The following SPECC1 variants were observed in gnomAD, a reference collection of about 807,000 sequenced individuals.
SPECC1 encodes cytospin-B.
A neutral mutation model predicts 104.1 loss-of-function variants in SPECC1; 62 were observed. The observed-to-expected ratio is 0.60, with a 90% CI of 0.49 to 0.74. The LOEUF is 0.74. Among genes scored for constraint, SPECC1 ranks in the 30% least tolerant of loss-of-function variants. SPECC1 has a pLI of 0.00. For missense variants in SPECC1, 1,306 were observed against 1,310.5 expected, an observed-to-expected ratio of 1.00 and a Z score of 0.05; for synonymous variants, 513 against 501.6, an observed-to-expected ratio of 1.02 and a Z score of -0.30.
At chr17:20,079,637 T>G (rs1161196766) in intron 1 of SPECC1, among the ~76,000 whole-genome samples, 1 of 152,096 alleles carries the variant, frequency 6.6e-6, no homozygotes, top group African/African-American at 2.4e-5. Context: ...AAGCCCTTCA[T>G]CCATTATCCA....
intron 12 of SPECC1, among the ~76,000 whole-genome samples, chr17:20,286,278 A>G (rs887306473): frequency 1.3e-5 from 2 of 152,234 alleles, no homozygotes; most frequent in Non-Finnish European, 2.9e-5. Flanking sequence ...AGGGATGAAT[A>G]TCAAGGAAAA....
chr17:20,188,803 T>G (rs2035459298), intron 3 of SPECC1, among the ~76,000 whole-genome samples: 1 of 152,212 alleles, frequency 6.6e-6, no homozygotes, highest in Non-Finnish European at 1.5e-5. Flanking sequence ...TACGGACGAT[T>G]CCTTAAATTT....
intron 1 of SPECC1, among the ~76,000 whole-genome samples, chr17:20,024,973 T>C (rs2044543348): frequency 1.3e-5 from 2 of 152,198 alleles, no homozygotes; most frequent in South Asian, 4.1e-4. Context: ...ACAATGTAGA[T>C]AAAAACCCTA....
At chr17:20,077,580 C>T (rs1028356896) in intron 1 of SPECC1, among the ~76,000 whole-genome samples, 2 of 152,032 alleles carry the variant, frequency 1.3e-5, no homozygotes, top group East Asian at 3.8e-4. Flanking sequence ...GATTCTCCTG[C>T]CTCAGCCTCT....
intron 1 of SPECC1, among the ~76,000 whole-genome samples, chr17:20,025,898 C>G (rs1246186201): frequency 6.6e-6 from 1 of 152,060 alleles, no homozygotes; most frequent in Non-Finnish European, 1.5e-5. Context: ...TCTAGCCATC[C>G]TAGTGCATAT....
At chr17:20,147,267 C>G (rs909291296) in intron 3 of SPECC1, among the ~76,000 whole-genome samples, 1 of 151,964 alleles carries the variant, frequency 6.6e-6, no homozygotes, top group Non-Finnish European at 1.5e-5. Context: ...GACAGGGTTT[C>G]TCCATGTTGG....
chr17:20,143,084 C>T (rs574927796), intron 3 of SPECC1, among the ~76,000 whole-genome samples: 1 of 149,852 alleles, frequency 6.7e-6, no homozygotes, highest in Non-Finnish European at 1.5e-5. Flanking sequence ...AAGGGAATAA[C>T]AGAAGAAGAA....
Position 20,315,687 on chromosome 17 carries a change from A to G in SPECC1, c.*1622A>G, listed in dbSNP as rs2042031574. The stretch of plus-strand genomic sequence containing the variant: ...GAGGCTGCAGGTCCAGCCCCTTACC[A>G]TTCCTGGAGAGGTAGGAGCTCAGTC... On this transcript the variant is annotated 3_prime_UTR_variant, in exon 15 of 15. Transcript: ENST00000395527. The G allele has an allele frequency of 4.3e-6, 1 of 232,096 alleles. No individual in the cohort carries two copies. Among genetic ancestry groups the G allele is most frequent in the Non-Finnish European group, 8.5e-6 (1 of 117,490 alleles). 14.4% of individuals were successfully genotyped at this position (232,096 alleles called of 1,614,324 possible).
intron 3 of SPECC1, among the ~76,000 whole-genome samples, chr17:20,174,676 CTTCAT>C (rs1325333546): frequency 6.6e-6 from 1 of 152,080 alleles, no homozygotes; most frequent in East Asian, 1.9e-4. Context: ...CAGTCTTGCC[CTTCAT>C]TTCCTTTATA....
intron 4 of SPECC1, among the ~76,000 whole-genome samples, chr17:20,213,867 T>G (rs2037315754): frequency 9.6e-6 from 1 of 104,674 alleles, no homozygotes; most frequent in African/African-American, 5.2e-5. Context: ...ACAGTGGGAG[T>G]CTCTGAAGAA....
intron 1 of SPECC1, among the ~76,000 whole-genome samples, chr17:20,036,890 G>A (rs9909544): frequency 5.3e-5 from 8 of 152,086 alleles, no homozygotes; most frequent in African/African-American, 1.7e-4. Context: ...GTTCCTGATC[G>A]TAGGGGAAAG....
chr17:20,084,528 A>G (rs1299254422), intron 1 of SPECC1, among the ~76,000 whole-genome samples: 1 of 152,180 alleles, frequency 6.6e-6, no homozygotes, highest in Non-Finnish European at 1.5e-5. Context: ...TGTGTTTTGC[A>G]GATATTTCCC....
chr17:20,205,585 G>A lies in SPECC1; in HGVS notation c.1536G>A (p.Leu512=). The A allele has an allele frequency of 3.1e-6, 5 of 1,614,086 alleles. No individual in the cohort carries two copies. Among genetic ancestry groups the A allele is most frequent in the Non-Finnish European group, 4.2e-6 (5 of 1,180,028 alleles). Residue 512 remains leucine, a synonymous_variant, in exon 4 of 15, where the codon CTG becomes CTA. Coordinates refer to ENST00000395527, the MANE Select transcript of SPECC1 (RefSeq NM_001243439.2). The part of the protein sequence containing the change: ...NQGALEMIKR[L]KEENEKLNEF... ...GAGCTTTAGAAATGATTAAACGTCT[G>A]AAGGAAGAAAATGAAAAACTGAATG...
At chr17:20,055,529 CATTTT>C (rs2045929681) in intron 1 of SPECC1, among the ~76,000 whole-genome samples, 1 of 152,184 alleles carries the variant, frequency 6.6e-6, no homozygotes, top group South Asian at 2.1e-4. Flanking sequence ...GCGTTCTGTT[CATTTT>C]AAGTCTCTAG....
At position 20,272,126 on chromosome 17, in the gene SPECC1, T is replaced by G. The variant is rs1273742111; in HGVS notation, c.2940+11832T>G. On this transcript the variant is annotated intron_variant, in intron 12 of 14. Transcript: ENST00000395527. Reference sequence around the variant, plus strand: ...ATCATGCTAGGCACTCACTGCACCCTTTCAATATGTAATTCATGACTTTAT... The same window carrying G: ...ATCATGCTAGGCACTCACTGCACCCGTTCAATATGTAATTCATGACTTTAT... Among the ~76,000 whole-genome samples, 6 of 152,294 alleles carry G rather than the reference T, an allele frequency of 3.9e-5. No homozygotes were observed. In the East Asian group the frequency reaches 1.2e-3, roughly 29 times the overall value.
At chr17:20,091,719 A>T (rs1356779077) in intron 1 of SPECC1, among the ~76,000 whole-genome samples, 1 of 152,108 alleles carries the variant, frequency 6.6e-6, no homozygotes, top group South Asian at 2.1e-4. Context: ...CTATGTGCAC[A>T]TTCTTATTTT....
At chr17:20,038,083 T>C (rs1360411005) in intron 1 of SPECC1, among the ~76,000 whole-genome samples, 1 of 152,178 alleles carries the variant, frequency 6.6e-6, no homozygotes, top group Admixed American at 6.5e-5. Flanking sequence ...TTCATTCTAA[T>C]AACTGGTAAT....
intron 2 of SPECC1, among the ~76,000 whole-genome samples, chr17:20,104,740 CAAA>C (rs745893309): frequency 5.2e-5 from 3 of 57,242 alleles, no homozygotes; most frequent in African/African-American, 2.1e-4. Context: ...GAGACTGTCT[CAAA>C]AAAAAAAAAA....
intron 1 of SPECC1, among the ~76,000 whole-genome samples, chr17:20,088,681 C>T (rs1051918523): frequency 1.3e-5 from 2 of 152,174 alleles, no homozygotes; most frequent in Non-Finnish European, 2.9e-5. Context: ...TTTGGCTACG[C>T]TGCAGGGTAA....
Sources: gnomAD v4.1 joint callset for allele counts (sites outside exome capture counted in the v4.1 genomes callset) on GRCh38, gnomAD v4.1.1 for gene constraint, MANE v1.5 for transcripts, NCBI Gene and HGNC (gene_info 2026-07-23, HGNC 2026-07-21) for gene names.